The following KIRREL3 variants were observed in gnomAD, a reference collection of about 807,000 sequenced individuals.
The protein encoded by KIRREL3 is kin of IRRE-like protein 3.
In KIRREL3, 36 loss-of-function variants were observed where a neutral mutation model predicts 89.7. That is an observed-to-expected ratio of 0.40 (90% confidence interval 0.31 to 0.53). The LOEUF is 0.53. KIRREL3 is among the 20% of genes least tolerant of loss of function. The probability of loss-of-function intolerance (pLI) is 0.49; values close to 1 mark genes in which losing one functional copy is unlikely to be tolerated. For synonymous variants in KIRREL3, 445 were observed against 441.4 expected, an observed-to-expected ratio of 1.01 and a Z score of -0.10; for missense variants, 864 against 1,056.6, an observed-to-expected ratio of 0.82 and a Z score of 2.53.
Position 126,553,551 on chromosome 11 carries a change from C to T in KIRREL3, c.133+9284G>A, listed in dbSNP as rs1341759617. Reference sequence around the variant, plus strand: ...GCCCATCTCTACACTGCTGCGGTGCCTCCATATCTACCCATTTCATGAGCC... The same window carrying T: ...GCCCATCTCTACACTGCTGCGGTGCTTCCATATCTACCCATTTCATGAGCC... On this transcript the variant is annotated intron_variant, in intron 2 of 16. Coordinates refer to ENST00000525144, the MANE Select transcript of KIRREL3 (RefSeq NM_032531.4). This position sits in a 1 kb window ranked among gnomAD's most constrained non-coding sequence, Gnocchi z 4.7. Among the ~76,000 whole-genome samples the T allele has an allele frequency of 1.3e-5, 2 of 152,206 alleles. No homozygotes were observed. Among genetic ancestry groups the T allele is most frequent in the African/African-American group, 2.4e-5 (1 of 41,444 alleles).
In KIRREL3 at chr11:126,867,133, G is replaced by T. The variant is rs1237075462; in HGVS notation, c.55+133322C>A. 1.3e-5 allele frequency among the ~76,000 whole-genome samples: 2 copies of T among 152,202 alleles called. No homozygotes were observed. The highest frequency in any genetic ancestry group is 2.9e-5 in the Non-Finnish European group (2 of 68,042). ...CACTCAACCCTACATGCTGCCTTGG[G>T]GTTGGAGCCCAAAAAACGTTCCCCA... On this transcript the variant is annotated intron_variant, in intron 1 of 16. Coordinates refer to ENST00000525144, the MANE Select transcript of KIRREL3 (RefSeq NM_032531.4). The surrounding 1 kb of genome is among the most constrained non-coding windows in gnomAD (Gnocchi z 4.7).
At chr11:126,507,266 T>G (rs1958053067) in intron 4 of KIRREL3, among the ~76,000 whole-genome samples, 2 of 152,118 alleles carry the variant, frequency 1.3e-5, no homozygotes. Context: ...TACTGGATTG[T>G]GGGGGTGGTT....
rs1402777788 is a variant in KIRREL3, at chr11:126,724,193, T to C, written c.56-161281A>G. On this transcript the variant is annotated intron_variant, in intron 1 of 16. Transcript: ENST00000525144. The surrounding 1 kb of genome is among the most constrained non-coding windows in gnomAD (Gnocchi z 4.3). ...AAGAACATCACCCCCATTTCAACCT[T>C]CAGAGGCAGGTTGCTTCTGCCACGG... is the stretch of plus-strand genomic sequence containing the variant. Among the ~76,000 whole-genome samples, 1 of 152,172 alleles carries C rather than the reference T, an allele frequency of 6.6e-6. No individual in the cohort carries two copies. Among genetic ancestry groups the C allele is most frequent in the Non-Finnish European group, 1.5e-5 (1 of 68,028 alleles).
intron 1 of KIRREL3, among the ~76,000 whole-genome samples, chr11:126,770,527 C>T (rs572103711): frequency 6.6e-6 from 1 of 152,272 alleles, no homozygotes; most frequent in Non-Finnish European, 1.5e-5. Context: ...TTAAAAATGC[C>T]TTGATGGTTG....
At chr11:126,511,076 T>TGTGTG (rs1555129719) in intron 4 of KIRREL3, among the ~76,000 whole-genome samples, 2 of 150,008 alleles carry the variant, frequency 1.3e-5, no homozygotes, top group Non-Finnish European at 3.0e-5. Flanking sequence ...TGTGTGTGTG[T>TGTGTG]TGGAGCAGAA....
At chr11:126,547,615 AG>A (rs1270992173) in intron 2 of KIRREL3, among the ~76,000 whole-genome samples, 3 of 152,190 alleles carry the variant, frequency 2.0e-5, no homozygotes, top group Non-Finnish European at 4.4e-5. Context: ...CCCTCTGGGC[AG>A]TGCAGAAAAT....
chr11:126,795,759 T>C lies in KIRREL3; in HGVS notation c.55+204696A>G, dbSNP rs549139318. Among the ~76,000 whole-genome samples, 1 of 152,290 alleles carries C rather than the reference T, an allele frequency of 6.6e-6. No homozygotes were observed. Among genetic ancestry groups the C allele is most frequent in the Admixed American group, 6.5e-5 (1 of 15,298 alleles). ...TAAAAATCCTCAAAAAAATGAAGTT[T>C]TTTAATTAAAAAGAATTACAGAGCC... On this transcript the variant is annotated intron_variant, in intron 1 of 16. Coordinates refer to ENST00000525144, the MANE Select transcript of KIRREL3 (RefSeq NM_032531.4). The surrounding 1 kb of genome is among the most constrained non-coding windows in gnomAD (Gnocchi z 4.1).
chr11:126,846,728 C>T (rs981765129), intron 1 of KIRREL3, among the ~76,000 whole-genome samples: 3 of 152,060 alleles, frequency 2.0e-5, no homozygotes, highest in Admixed American at 6.5e-5. Context: ...AAGTAAAATG[C>T]ATTTTTGGTA....
chr11:126,646,009 T>G (rs1000213556), intron 1 of KIRREL3, among the ~76,000 whole-genome samples: 14 of 152,234 alleles, frequency 9.2e-5, no homozygotes, highest in African/African-American at 3.4e-4. Context: ...CTCAAAATGA[T>G]TCTTCATGAG....
chr11:126,859,976 ACTT>A (rs1320354131), intron 1 of KIRREL3, among the ~76,000 whole-genome samples: 3 of 152,122 alleles, frequency 2.0e-5, no homozygotes, highest in African/African-American at 7.2e-5. Context: ...TTCATCATTT[ACTT>A]CTTTTCTGCT....
intron 1 of KIRREL3, among the ~76,000 whole-genome samples, chr11:126,923,306 CCTTCTCCTTCTTCCTTCTT>C (rs1947538827): frequency 2.3e-5 from 3 of 133,070 alleles, no homozygotes; most frequent in Non-Finnish European, 3.1e-5. Context: ...TCTTCCTTCT[CCTTCTCCTTCTTCCTTCTT>C]CTTCTTCCTT....
rs1320627034 is a variant in KIRREL3, at chr11:126,705,871, A to T, written c.56-142959T>A. Among the ~76,000 whole-genome samples the T allele has an allele frequency of 6.6e-6, 1 of 152,214 alleles. No individual in the cohort carries two copies. The highest frequency in any genetic ancestry group is 1.5e-5 in the Non-Finnish European group (1 of 68,044). On this transcript the variant is annotated intron_variant, in intron 1 of 16. Coordinates refer to ENST00000525144, the MANE Select transcript of KIRREL3 (RefSeq NM_032531.4). This position sits in a 1 kb window ranked among gnomAD's most constrained non-coding sequence, Gnocchi z 4.3. ...AGTGATGCTGCGTAACTTCTGGGAAAAACTTTAAGAGATTTGCTGTTTCTG... is the reference window on the plus strand; with the variant it reads ...AGTGATGCTGCGTAACTTCTGGGAATAACTTTAAGAGATTTGCTGTTTCTG...
In KIRREL3 at chr11:126,455,223, C is replaced by G. The variant is rs1348994758; in HGVS notation, c.848+1126G>C. Reference sequence around the variant, plus strand: ...GGAAAGAGACCAGGCTGAGTCAGGGCCATGGCAAGTTCCACGTGGCACCCA... The same window carrying G: ...GGAAAGAGACCAGGCTGAGTCAGGGGCATGGCAAGTTCCACGTGGCACCCA... On this transcript the variant is annotated intron_variant, in intron 7 of 16. Transcript: ENST00000525144. The surrounding 1 kb of genome is among the most constrained non-coding windows in gnomAD (Gnocchi z 6.4). 6.6e-6 allele frequency among the ~76,000 whole-genome samples: 1 copy of G among 152,210 alleles called. No homozygotes were observed. Among genetic ancestry groups the G allele is most frequent in the Non-Finnish European group, 1.5e-5 (1 of 68,050 alleles).
rs1950066819 is a variant in KIRREL3, at chr11:126,773,085, TA to T, written c.56-210174del. Among the ~76,000 whole-genome samples the T allele has an allele frequency of 6.6e-6, 1 of 152,216 alleles. No individual in the cohort carries two copies. The highest frequency in any genetic ancestry group is 1.5e-5 in the Non-Finnish European group (1 of 68,034). On this transcript the variant is annotated intron_variant, in intron 1 of 16. Coordinates refer to ENST00000525144, the MANE Select transcript of KIRREL3 (RefSeq NM_032531.4). The surrounding 1 kb of genome is among the most constrained non-coding windows in gnomAD (Gnocchi z 4.2). ...GTTGTTGACCAAAGCCATTAGCTCC[TA>T]AAATACTGGGAATGAGGGAATCTTC...
chr11:126,920,644 C>T (rs929082984), intron 1 of KIRREL3: 1 of 152,172 alleles, frequency 6.6e-6, no homozygotes, highest in Admixed American at 6.5e-5. Context: ...CAGATATGTT[C>T]TTTGATCTCA....
chr11:126,972,357 TC>T (rs1949449543), intron 1 of KIRREL3, among the ~76,000 whole-genome samples: 1 of 152,186 alleles, frequency 6.6e-6, no homozygotes, highest in Non-Finnish European at 1.5e-5. Context: ...AAACAAGGAC[TC>T]CTTCCCACTC....
chr11:126,994,411 A>G lies in KIRREL3; in HGVS notation c.55+6044T>C, dbSNP rs653856. Among the ~76,000 whole-genome samples, 34,142 of 152,188 alleles carry G rather than the reference A, an allele frequency of 0.22. 4,534 individuals carry two copies. Among genetic ancestry groups the G allele is most frequent in the African/African-American group, 0.36 (15,074 of 41,482 alleles). ...CAGAGCAGATTCACCTATGCTGGCC[A>G]TTATTTCCATGGCTTTAACTTGTTA... On this transcript the variant is annotated intron_variant, in intron 1 of 16. Coordinates refer to ENST00000525144, the MANE Select transcript of KIRREL3 (RefSeq NM_032531.4). The surrounding 1 kb of genome is among the most constrained non-coding windows in gnomAD (Gnocchi z 5.2).
chr11:126,859,217 G>C (rs1194145524), intron 1 of KIRREL3, among the ~76,000 whole-genome samples: 1 of 152,164 alleles, frequency 6.6e-6, no homozygotes, highest in East Asian at 1.9e-4. Context: ...GCTATCTGGG[G>C]GTGAAAAGTG....
chr11:126,546,385 C>T (rs1479035141), intron 2 of KIRREL3, among the ~76,000 whole-genome samples: 5 of 152,198 alleles, frequency 3.3e-5, no homozygotes, highest in Non-Finnish European at 7.3e-5. Flanking sequence ...AGGTTGCTGC[C>T]ACCAGTCCAC....
Sources: allele counts gnomAD v4.1 joint callset (sites outside exome capture counted in the v4.1 genomes callset), GRCh38; gene constraint gnomAD v4.1.1; non-coding constraint Gnocchi (gnomAD v3.1); transcripts MANE v1.5; gene names NCBI Gene and HGNC (gene_info 2026-07-23, HGNC 2026-07-21).